The following GLT1D1 variants were observed in gnomAD, a reference collection of about 807,000 sequenced individuals.
GLT1D1 encodes glycosyltransferase 1 domain-containing protein 1.
In GLT1D1, 21 loss-of-function variants were observed where a neutral mutation model predicts 28.7. That is an observed-to-expected ratio of 0.73 (90% CI 0.52 to 1.05). The LOEUF (loss-of-function observed/expected upper bound fraction) is 1.05, where lower values mean the gene tolerates loss of function less well. GLT1D1 is among the 50% of genes least tolerant of loss of function. The pLI is 0.00. For synonymous variants in GLT1D1, 147 were observed against 124.8 expected, an observed-to-expected ratio of 1.18 and a Z score of -1.19; for missense variants, 343 against 330.6, an observed-to-expected ratio of 1.04 and a Z score of -0.29.
At chr12:128,906,974 G>A in intron 4 of GLT1D1, 2 of 702,540 alleles carry the variant, frequency 2.8e-6, no homozygotes, top group East Asian at 2.7e-5. Flanking sequence ...ACAAGTCAGT[G>A]CAGATGTTAG....
intron 5 of GLT1D1, among the ~76,000 whole-genome samples, chr12:128,946,879 T>G (rs1391718069): frequency 6.6e-6 from 1 of 151,362 alleles, no homozygotes; most frequent in Admixed American, 6.6e-5. Context: ...CAACTTCTGA[T>G]CTCAGGTGAT....
At chr12:128,964,326 G>A (rs113940281) in intron 7 of GLT1D1, among the ~76,000 whole-genome samples, 54 of 152,320 alleles carry the variant, frequency 3.5e-4, no homozygotes, top group African/African-American at 1.3e-3. Context: ...GAGGCTGCAA[G>A]GGAGCCATGT....
At chr12:128,890,211 T>C (rs971090417) in intron 3 of GLT1D1, among the ~76,000 whole-genome samples, 1 of 152,132 alleles carries the variant, frequency 6.6e-6, no homozygotes, top group Non-Finnish European at 1.5e-5. Flanking sequence ...CTGTGTCTGC[T>C]TTCTTCAGCC....
At chr12:128,890,075 G>A (rs1868864216) in intron 3 of GLT1D1, among the ~76,000 whole-genome samples, 1 of 152,196 alleles carries the variant, frequency 6.6e-6, no homozygotes, top group South Asian at 2.1e-4. Context: ...TGCCCAGCCT[G>A]AAATGGGCCA....
intron 4 of GLT1D1, among the ~76,000 whole-genome samples, chr12:128,910,496 A>G (rs1871396906): frequency 6.6e-6 from 1 of 152,092 alleles, no homozygotes; most frequent in Admixed American, 6.5e-5. Context: ...TGAGTGCTTT[A>G]CCATCCATCT....
intron 4 of GLT1D1, among the ~76,000 whole-genome samples, chr12:128,905,922 C>T (rs1048132987): frequency 2.3e-4 from 35 of 151,256 alleles, no homozygotes; most frequent in African/African-American, 8.0e-4. Context: ...GCCTCAAACT[C>T]GTGGGCTCAG....
At chr12:128,947,556 C>A in intron 6 of GLT1D1, 98 bp downstream of exon 10, 2 of 1,411,990 alleles carry the variant, frequency 1.4e-6, no homozygotes, top group Non-Finnish European at 2.0e-6. Flanking sequence ...TAACATTCTG[C>A]ACTTCTCAAA....
At chr12:128,856,992 G>A (rs1165022844) in intron 1 of GLT1D1, among the ~76,000 whole-genome samples, 4 of 152,072 alleles carry the variant, frequency 2.6e-5, no homozygotes, top group Non-Finnish European at 4.4e-5. Context: ...CAAAAACAAT[G>A]TTGAGTGACC....
At chr12:128,855,451 A>G (rs182973113) in intron 1 of GLT1D1, among the ~76,000 whole-genome samples, 148 of 151,364 alleles carry the variant, frequency 9.8e-4, no homozygotes, top group Middle Eastern at 3.5e-3. Flanking sequence ...CTGTGGTCCT[A>G]GCTACTCAGG....
chr12:128,874,118 C>CTT (rs1956800316), intron 1 of GLT1D1, among the ~76,000 whole-genome samples: 3 of 64,046 alleles, frequency 4.7e-5, no homozygotes, highest in Non-Finnish European at 8.5e-5. Flanking sequence ...CTCTCTCTCT[C>CTT]TCTCTCTCTT....
intron 7 of GLT1D1, among the ~76,000 whole-genome samples, chr12:128,975,739 A>G (rs750927498): frequency 6.6e-6 from 1 of 152,226 alleles, no homozygotes; most frequent in Non-Finnish European, 1.5e-5. Flanking sequence ...TGTGTGAGCC[A>G]CAGCTCCCGG....
chr12:128,983,032 T>C lies in GLT1D1; in HGVS notation c.743T>C (p.Val248Ala), dbSNP rs201627526. Residue 248 changes from valine to alanine, a missense_variant, in exon 8 of 8, where the codon GTG becomes GCG. Coordinates refer to ENST00000281703, the MANE Select transcript of GLT1D1 (RefSeq NM_144669.3). The surrounding 1 kb of genome is among the most constrained non-coding windows in gnomAD (Gnocchi z 4.7). ...GTGAGAATGTATCATTCATGGCAGG[T>C]GGAAAGAGACACCTACCAACAGCTC... 14 of 1,613,384 alleles carry C rather than the reference T, an allele frequency of 8.7e-6. No homozygotes were observed. The highest frequency in any genetic ancestry group is 1.6e-4 in the Middle Eastern group (1 of 6,082).
chr12:128,893,455 G>T (rs1342980012), intron 3 of GLT1D1, among the ~76,000 whole-genome samples: 1 of 151,730 alleles, frequency 6.6e-6, no homozygotes, highest in East Asian at 1.9e-4. Flanking sequence ...TAAGCCCAAA[G>T]ATTTTTTTTA....
chr12:128,979,240 C>G (rs1880092335), intron 7 of GLT1D1, among the ~76,000 whole-genome samples: 1 of 152,218 alleles, frequency 6.6e-6, no homozygotes, highest in South Asian at 2.1e-4. Flanking sequence ...TCACCACAAA[C>G]TCAGCAGCTT....
chr12:128,888,087 T>C (rs535834218), intron 2 of GLT1D1, among the ~76,000 whole-genome samples: 1 of 152,354 alleles, frequency 6.6e-6, no homozygotes, highest in South Asian at 2.1e-4. Context: ...TCTTTCCCAC[T>C]TTATGCGCTC....
intron 4 of GLT1D1, among the ~76,000 whole-genome samples, 172 bp from the exon 8 acceptor site, chr12:128,926,933 A>C (rs537019548): frequency 7.2e-5 from 11 of 152,360 alleles, no homozygotes; most frequent in Middle Eastern, 3.4e-3. Context: ...ATAAAATGTC[A>C]AATACAGAAA....
At chr12:128,878,878 G>A (rs1371049991) in intron 2 of GLT1D1, among the ~76,000 whole-genome samples, 1 of 152,178 alleles carries the variant, frequency 6.6e-6, no homozygotes. Flanking sequence ...GCCTCCTAAA[G>A]TGCTGAGATT....
At chr12:128,941,076 A>G (rs1593163967) in intron 4 of GLT1D1, among the ~76,000 whole-genome samples, 1 of 152,236 alleles carries the variant, frequency 6.6e-6, no homozygotes, top group East Asian at 1.9e-4. Context: ...ATGGAATCAT[A>G]CACTCTGTGG....
chr12:128,943,043 G>A (rs1430554785), intron 4 of GLT1D1, among the ~76,000 whole-genome samples: 2 of 152,104 alleles, frequency 1.3e-5, no homozygotes, highest in Non-Finnish European at 2.9e-5. Flanking sequence ...CACCACGCCC[G>A]GCCTAGATTC....
Sources: gnomAD v4.1 joint callset for allele counts (sites outside exome capture counted in the v4.1 genomes callset) on GRCh38, gnomAD v4.1.1 for gene constraint, Gnocchi (gnomAD v3.1) non-coding constraint, MANE v1.5 for transcripts, NCBI Gene and HGNC (gene_info 2026-07-23, HGNC 2026-07-21) for gene names.